CHST11: variants seen among roughly 807,000 people sequenced by gnomAD.
CHST11 encodes C4S-1.
CHST11 carries 9 observed loss-of-function variants against 30.4 expected under a neutral mutation model. The observed-to-expected ratio is 0.30, with a 90% confidence interval of 0.18 to 0.52. The LOEUF (loss-of-function observed/expected upper bound fraction) is 0.52, where lower values mean the gene tolerates loss of function less well. Ranked by LOEUF, CHST11 falls within the 20% of genes least tolerant of loss-of-function variation. The pLI, the probability that CHST11 is intolerant of heterozygous loss-of-function variation, is 0.97. For missense variants in CHST11, 348 were observed against 460.6 expected (o/e 0.76, Z 2.24); for synonymous variants, 152 against 187.8 (o/e 0.81, Z 1.56).
rs184544667 is a variant in CHST11 at position 104,605,739 on chromosome 12, G to A, written c.204+3748G>A. Among the ~76,000 whole-genome samples, 55 of 152,334 alleles carry A rather than the reference G, an allele frequency of 3.6e-4. No homozygotes were observed. The East Asian group carries it at 0.011, about 29-fold the overall frequency. On this transcript the variant is annotated intron_variant, in intron 2 of 2. Transcript: ENST00000303694. ...TGGAATCAAGTCACCGAAAGTTCAG[G>A]AGGTGTCAACTGCATATTTGTGGGC...
chr12:104,500,844 T>C (rs1432051271), intron 1 of CHST11, among the ~76,000 whole-genome samples: 2 of 152,168 alleles, frequency 1.3e-5, no homozygotes, highest in Admixed American at 1.3e-4. Context: ...AAATGAACTA[T>C]TGCGGTAGGT....
At position 104,459,773 on chromosome 12, in the gene CHST11, T is replaced by C. The variant is rs931975916; in HGVS notation, c.118+2244T>C. 4.2e-4 allele frequency among the ~76,000 whole-genome samples: 64 copies of C among 152,230 alleles called. 3 individuals are homozygous for C. The highest frequency in any genetic ancestry group is 1.5e-5 in the Non-Finnish European group (1 of 68,038). ...GTCGATGATCCTGCCCCATCCTTTATGTCCCCCTCTAGTCCTATTTTCTCC... is the reference window on the plus strand; with the variant it reads ...GTCGATGATCCTGCCCCATCCTTTACGTCCCCCTCTAGTCCTATTTTCTCC... On this transcript the variant is annotated intron_variant, in intron 1 of 2. Transcript: ENST00000303694.
At chr12:104,687,782 C>A (rs528217269) in intron 2 of CHST11, among the ~76,000 whole-genome samples, 12 of 152,300 alleles carry the variant, frequency 7.9e-5, no homozygotes, top group Non-Finnish European at 1.6e-4. Context: ...CCCCGCCCCC[C>A]CCAAAATTTT....
At chr12:104,526,364 T>C (rs2038125969) in intron 1 of CHST11, among the ~76,000 whole-genome samples, 1 of 152,194 alleles carries the variant, frequency 6.6e-6, no homozygotes, top group Admixed American at 6.5e-5. Flanking sequence ...TTGCAATAAA[T>C]TGAGCTCCAT....
intron 2 of CHST11, among the ~76,000 whole-genome samples, chr12:104,693,199 C>T (rs1020654661): frequency 6.6e-5 from 10 of 152,224 alleles, no homozygotes; most frequent in African/African-American, 2.2e-4. Context: ...TTAATTACCT[C>T]TTTCCAAATC....
chr12:104,743,468 C>T (rs2040364662), intron 2 of CHST11, among the ~76,000 whole-genome samples: 1 of 152,132 alleles, frequency 6.6e-6, no homozygotes, highest in Non-Finnish European at 1.5e-5. Context: ...AGGAAGGCAC[C>T]CCCTTACTAT....
At chr12:104,592,682 C>T (rs778587665) in intron 1 of CHST11, among the ~76,000 whole-genome samples, 28 of 152,206 alleles carry the variant, frequency 1.8e-4, no homozygotes, top group African/African-American at 6.5e-4. Flanking sequence ...TCCCTAACCA[C>T]GTAGATTCAT....
chr12:104,574,252 C>T (rs2038659819), intron 1 of CHST11, among the ~76,000 whole-genome samples: 1 of 152,182 alleles, frequency 6.6e-6, no homozygotes, highest in African/African-American at 2.4e-5. Context: ...AACACTTTTA[C>T]ACTGTTGGTG....
chr12:104,682,173 A>G (rs560374075), intron 2 of CHST11, among the ~76,000 whole-genome samples: 1 of 152,180 alleles, frequency 6.6e-6, no homozygotes, highest in Admixed American at 6.5e-5. Context: ...TAATATTTTG[A>G]CAAATGCCGA....
chr12:104,651,499 G>A (rs1241636320), intron 2 of CHST11, among the ~76,000 whole-genome samples: 1 of 152,106 alleles, frequency 6.6e-6, no homozygotes, highest in Non-Finnish European at 1.5e-5. Flanking sequence ...TGGAACCCTC[G>A]CCAAAAGGAT....
intron 2 of CHST11, among the ~76,000 whole-genome samples, chr12:104,691,016 T>C (rs2039891681): frequency 6.6e-6 from 1 of 152,188 alleles, no homozygotes; most frequent in Non-Finnish European, 1.5e-5. Flanking sequence ...ATTGGCTATG[T>C]TGAAAAAATT....
At chr12:104,599,103 A>T (rs2038934018) in intron 1 of CHST11, among the ~76,000 whole-genome samples, 1 of 152,094 alleles carries the variant, frequency 6.6e-6, no homozygotes, top group Admixed American at 6.6e-5. Flanking sequence ...CACTCCAGAA[A>T]CGGTGGGGTT....
At chr12:104,564,786 T>G (rs1267764590) in intron 1 of CHST11, among the ~76,000 whole-genome samples, 3 of 152,188 alleles carry the variant, frequency 2.0e-5, no homozygotes, top group Non-Finnish European at 1.5e-5. Context: ...TGAGATTTAA[T>G]GGACTCACAG....
At chr12:104,488,600 C>A (rs1309528607) in intron 1 of CHST11, among the ~76,000 whole-genome samples, 2 of 97,716 alleles carry the variant, frequency 2.0e-5, no homozygotes, top group Admixed American at 1.0e-4. Context: ...CGTATGTATG[C>A]GTATGTGTGT....
intron 2 of CHST11, among the ~76,000 whole-genome samples, chr12:104,714,374 G>A (rs2040112128): frequency 1.3e-5 from 2 of 152,130 alleles, no homozygotes; most frequent in African/African-American, 4.8e-5. Context: ...CCTGCTAGTA[G>A]AGGACCATGG....
At chr12:104,646,691 C>T (rs1203582930) in intron 2 of CHST11, among the ~76,000 whole-genome samples, 7 of 152,228 alleles carry the variant, frequency 4.6e-5, no homozygotes, top group East Asian at 1.9e-4. Flanking sequence ...GAGCAAGACT[C>T]CGTCTCAAAA....
intron 1 of CHST11, among the ~76,000 whole-genome samples, chr12:104,460,893 G>A (rs1039214938): frequency 1.3e-5 from 2 of 152,196 alleles, no homozygotes; most frequent in Admixed American, 1.3e-4. Context: ...TCTTCCTTAA[G>A]AATATTTTAT....
chr12:104,533,889 C>T (rs1422219671), intron 1 of CHST11, among the ~76,000 whole-genome samples: 1 of 152,174 alleles, frequency 6.6e-6, no homozygotes, highest in Non-Finnish European at 1.5e-5. Context: ...TGTCCCGTTA[C>T]AAAAATTTCC....
In CHST11 at chr12:104,600,058, C is replaced by T. The variant is rs1410038885; in HGVS notation, c.119-1848C>T. On this transcript the variant is annotated intron_variant, in intron 1 of 2. Coordinates refer to ENST00000303694, the MANE Select transcript of CHST11 (RefSeq NM_018413.6). The surrounding 1 kb of genome is among the most constrained non-coding windows in gnomAD (Gnocchi z 4.1). ...GTGCAAAGCCTAAATACTGTTTGGC[C>T]CCTTACAGAAAATTTTGCTGACCCC... is the stretch of plus-strand genomic sequence containing the variant. Among the ~76,000 whole-genome samples, 1 of 152,058 alleles carries T rather than the reference C, an allele frequency of 6.6e-6. No individual in the cohort carries two copies. Among genetic ancestry groups the T allele is most frequent in the Admixed American group, 6.5e-5 (1 of 15,268 alleles).
Sources: gnomAD v4.1 joint callset for allele counts (sites outside exome capture counted in the v4.1 genomes callset) on GRCh38, gnomAD v4.1.1 for gene constraint, Gnocchi (gnomAD v3.1) non-coding constraint, MANE v1.5 for transcripts, NCBI Gene and HGNC (gene_info 2026-07-23, HGNC 2026-07-21) for gene names.